The following CA12 variants were observed in gnomAD, a reference collection of about 807,000 sequenced individuals.
The protein encoded by CA12 is carbonate dehydratase XII.
CA12 carries 36 observed loss-of-function variants against 46.8 expected under a neutral mutation model. That is an observed-to-expected ratio of 0.77 (90% CI 0.59 to 1.02). CA12 has a LOEUF of 1.02. Among genes scored for constraint, CA12 ranks in the 50% least tolerant of loss-of-function variants. The pLI is 0.00. For missense variants in CA12, 436 were observed against 451.4 expected, an observed-to-expected ratio of 0.97 and a Z score of 0.31; for synonymous variants, 202 against 187.0, an observed-to-expected ratio of 1.08 and a Z score of -0.65.
At chr15:63,371,888 T>C (rs1405146816) in intron 2 of CA12, among the ~76,000 whole-genome samples, 2 of 152,058 alleles carry the variant, frequency 1.3e-5, no homozygotes, top group Non-Finnish European at 2.9e-5. Context: ...TTTGGTTTGG[T>C]TTTTTCTTGG....
At position 63,374,210 on chromosome 15, in the gene CA12, G is replaced by C. The variant is rs1000910387; in HGVS notation, c.106+1448C>G. 6.6e-6 allele frequency among the ~76,000 whole-genome samples: 1 copy of C among 152,044 alleles called. No homozygotes were observed. Among genetic ancestry groups the C allele is most frequent in the Admixed American group, 6.5e-5 (1 of 15,272 alleles). On this transcript the variant is annotated intron_variant, in intron 2 of 10. Transcript: ENST00000178638. This position sits in a 1 kb window ranked among gnomAD's most constrained non-coding sequence, Gnocchi z 4.4. ...CTATCTCTCTGACCTTAGAGCCCGTGACTCCGCTATCAACCCTTCTCCACA... is the reference window on the plus strand; with the variant it reads ...CTATCTCTCTGACCTTAGAGCCCGTCACTCCGCTATCAACCCTTCTCCACA...
rs2038789975 is a variant in CA12, at chr15:63,321,486, A to ACACCCTCGGTGG, written c.*4787_*4798dup. On this transcript the variant is annotated 3_prime_UTR_variant, in exon 11 of 11. Transcript: ENST00000178638. This position sits in a 1 kb window ranked among gnomAD's most constrained non-coding sequence, Gnocchi z 4.5. The stretch of plus-strand genomic sequence containing the variant: ...AAGAGGCACGGGGTGGAGCCCGGGG[A>ACACCCTCGGTGG]CACCCTCGGTGGCATTGTCGGGCCA... The ACACCCTCGGTGG allele has an allele frequency of 6.6e-6, 1 of 152,238 alleles. No individual in the cohort carries two copies. Among genetic ancestry groups the ACACCCTCGGTGG allele is most frequent in the Non-Finnish European group, 1.5e-5 (1 of 68,072 alleles). The allele number at this position is 152,238 out of a possible 1,614,324, so 9.4% of individuals were successfully genotyped here. A position where few individuals can be genotyped will look rare whatever the true frequency, so the allele number is the denominator to read the frequency against.
chr15:63,354,924 G>C (rs2039276137), intron 2 of CA12, among the ~76,000 whole-genome samples: 1 of 152,156 alleles, frequency 6.6e-6, no homozygotes, highest in South Asian at 2.1e-4. Flanking sequence ...GGGACAAAAA[G>C]GCTCCGCAGT....
intron 1 of CA12, among the ~76,000 whole-genome samples, chr15:63,379,486 C>G (rs892144428): frequency 1.3e-5 from 2 of 152,200 alleles, no homozygotes; most frequent in Admixed American, 6.5e-5. Flanking sequence ...TAAACTGATT[C>G]CACAAGCGAG....
chr15:63,346,141 A>C (rs1184278720), intron 3 of CA12, among the ~76,000 whole-genome samples: 2 of 152,182 alleles, frequency 1.3e-5, no homozygotes, highest in Non-Finnish European at 2.9e-5. Context: ...GCTCGTAAGC[A>C]GTCAAGCCAG....
At position 63,340,720 on chromosome 15, in the gene CA12, C is replaced by T. The variant is rs368771609; in HGVS notation, c.589G>A (p.Gly197Ser). 7.4e-6 allele frequency: 12 copies of T among 1,614,038 alleles called. No individual in the cohort carries two copies. The highest frequency in any genetic ancestry group is 1.6e-4 in the Middle Eastern group (1 of 6,062). The stretch of plus-strand genomic sequence containing the variant: ...GAATATGCATGCAAGGACCCCTCAC[C>T]TTTGTACTTTACATGTTGAAGGTGA... ...FSHLQHVKYK[G>S]QEAFVPGFNI... is the part of the protein sequence containing the mutation. The change falls in exon 6 of 11, where the codon GGC (glycine) becomes AGC (serine). Residue 197 changes from glycine (G) to serine (S), a missense_variant and splice_region_variant. Transcript: ENST00000178638. This position sits in a 1 kb window ranked among gnomAD's most constrained non-coding sequence, Gnocchi z 4.4.
At chr15:63,347,706 G>A (rs1030393180) in intron 2 of CA12, among the ~76,000 whole-genome samples, 14 of 152,146 alleles carry the variant, frequency 9.2e-5, no homozygotes, top group African/African-American at 2.9e-4. Context: ...TTATCTCCAC[G>A]GTAATTAAAC....
At chr15:63,349,768 G>A (rs1035541746) in intron 2 of CA12, among the ~76,000 whole-genome samples, 2 of 151,992 alleles carry the variant, frequency 1.3e-5, no homozygotes, top group East Asian at 1.9e-4. Flanking sequence ...GCTTCCCCAC[G>A]CTGTCCTTGA....
intron 2 of CA12, among the ~76,000 whole-genome samples, chr15:63,351,690 T>C (rs550985632): frequency 6.6e-6 from 1 of 152,288 alleles, no homozygotes; most frequent in East Asian, 1.9e-4. Context: ...CTCTTCAAAG[T>C]CCAGCTCAGG....
In CA12 at chr15:63,375,641, T is replaced by C; in HGVS notation, c.106+17A>G. 1 of 1,502,060 alleles carries C rather than the reference T, an allele frequency of 6.7e-7. No individual in the cohort carries two copies. The highest frequency in any genetic ancestry group is 9.2e-7 in the Non-Finnish European group (1 of 1,082,454). 93.0% of individuals were successfully genotyped at this position (1,502,060 alleles called of 1,614,324 possible). A position where few individuals can be genotyped will look rare whatever the true frequency, so the allele number is the denominator to read the frequency against. The stretch of plus-strand genomic sequence containing the variant: ...TATTTTCTTTTCAACAAAAAAGTAT[T>C]TAAAATCTCTACTTACCAAAATAAG... On this transcript the variant is annotated intron_variant, in intron 2 of 10. Coordinates refer to ENST00000178638, the MANE Select transcript of CA12 (RefSeq NM_001218.5).
In CA12 at chr15:63,345,010, T is replaced by C. The variant is rs144342622; in HGVS notation, c.429+467A>G. On this transcript the variant is annotated intron_variant, in intron 4 of 10. Coordinates refer to ENST00000178638, the MANE Select transcript of CA12 (RefSeq NM_001218.5). This position sits in a 1 kb window ranked among gnomAD's most constrained non-coding sequence, Gnocchi z 4.3. ...AGGTAGAAGGGTGGCCCTAGACCCA[T>C]GTCCCCATGTTCTAAACACAACCCA... 4.0e-3 allele frequency among the ~76,000 whole-genome samples: 614 copies of C among 152,212 alleles called. 7 individuals carry two copies. Among genetic ancestry groups the C allele is most frequent in the African/African-American group, 0.014 (588 of 41,524 alleles).
chr15:63,371,153 G>A (rs1258101911), intron 2 of CA12, among the ~76,000 whole-genome samples: 2 of 152,150 alleles, frequency 1.3e-5, no homozygotes, highest in Non-Finnish European at 2.9e-5. Flanking sequence ...AGGGTGTCTG[G>A]AGCCCCAAGA....
At chr15:63,337,893 G>A (rs978293657) in intron 8 of CA12, among the ~76,000 whole-genome samples, 9 of 152,110 alleles carry the variant, frequency 5.9e-5, no homozygotes, top group African/African-American at 1.4e-4. Context: ...CGCCAGGCCC[G>A]GTTTGGTCCA....
In CA12 at chr15:63,335,883, C is replaced by A. The variant is rs758119293; in HGVS notation, c.874+2936G>T. 1.4e-4 allele frequency among the ~76,000 whole-genome samples: 22 copies of A among 152,316 alleles called. 1 individual carries two copies. The South Asian group carries it at 2.3e-3, about 16-fold the overall frequency. On this transcript the variant is annotated intron_variant, in intron 8 of 10. Coordinates refer to ENST00000178638, the MANE Select transcript of CA12 (RefSeq NM_001218.5). ...TAAGAAAGGCCTCGTGAATGCAGCC[C>A]CCTGGGCAGATGAGGTTTGGGCCTT...
chr15:63,344,952 A>G (rs1323717722), intron 4 of CA12, among the ~76,000 whole-genome samples: 1 of 152,128 alleles, frequency 6.6e-6, no homozygotes, highest in Non-Finnish European at 1.5e-5. Flanking sequence ...TGCCCTGCAC[A>G]TTAGACTGCC....
At chr15:63,360,958 C>G (rs962706999) in intron 2 of CA12, among the ~76,000 whole-genome samples, 1 of 152,142 alleles carries the variant, frequency 6.6e-6, no homozygotes, top group Non-Finnish European at 1.5e-5. Flanking sequence ...GGAGAATAAG[C>G]GAATCGGTGA....
rs1187453588 is a variant in CA12 at position 63,345,719 on chromosome 15, C to T, written c.287-100G>A. 9 of 1,464,104 alleles carry T rather than the reference C, an allele frequency of 6.1e-6. No homozygotes were observed. The highest frequency in any genetic ancestry group is 2.5e-5 in the East Asian group (1 of 40,756). The allele number at this position is 1,464,104 out of a possible 1,614,324, so 90.7% of individuals were successfully genotyped here. On this transcript the variant is annotated intron_variant, in intron 3 of 10. Coordinates refer to ENST00000178638, the MANE Select transcript of CA12 (RefSeq NM_001218.5). This position sits in a 1 kb window ranked among gnomAD's most constrained non-coding sequence, Gnocchi z 4.3. ...GCTCCCTCCACCCCTGCTGCCACCCCCTGGAGCCCAGAGAGAGGCAGGTGG... is the reference window on the plus strand; with the variant it reads ...GCTCCCTCCACCCCTGCTGCCACCCTCTGGAGCCCAGAGAGAGGCAGGTGG...
intron 2 of CA12, among the ~76,000 whole-genome samples, chr15:63,347,135 G>A (rs79850616): frequency 1.3e-5 from 2 of 152,244 alleles, no homozygotes; most frequent in East Asian, 3.8e-4. Context: ...TTCTAGCGGG[G>A]AAGAATTTAG....
In CA12 at chr15:63,374,614, G is replaced by T. The variant is rs2039548622; in HGVS notation, c.106+1044C>A. Among the ~76,000 whole-genome samples the T allele has an allele frequency of 3.9e-5, 6 of 152,194 alleles. No individual in the cohort carries two copies. The South Asian group carries it at 1.2e-3, about 32-fold the overall frequency. Reference sequence around the variant, plus strand: ...AGCCGTGCAGTGCTGGGGCTGAGGGGACCTTGGCCTGTGGGTAGCTGGTTG... The same window carrying T: ...AGCCGTGCAGTGCTGGGGCTGAGGGTACCTTGGCCTGTGGGTAGCTGGTTG... On this transcript the variant is annotated intron_variant, in intron 2 of 10. Transcript: ENST00000178638. The surrounding 1 kb of genome is among the most constrained non-coding windows in gnomAD (Gnocchi z 4.4).
Sources: gnomAD v4.1 joint callset for allele counts (sites outside exome capture counted in the v4.1 genomes callset) on GRCh38, gnomAD v4.1.1 for gene constraint, Gnocchi (gnomAD v3.1) non-coding constraint, MANE v1.5 for transcripts, NCBI Gene and HGNC (gene_info 2026-07-23, HGNC 2026-07-21) for gene names.